ENTPD1: variants seen among roughly 807,000 people sequenced by gnomAD.
The protein encoded by ENTPD1 is ectonucleoside triphosphate diphosphohydrolase 1, also known as ATP diphosphohydrolase.
In ENTPD1, 33 loss-of-function variants were observed where a neutral mutation model predicts 57.0. The observed-to-expected ratio is 0.58, with a 90% CI of 0.44 to 0.77. The LOEUF (loss-of-function observed/expected upper bound fraction) is 0.77. Ranked by LOEUF, ENTPD1 falls within the 30% of genes least tolerant of loss-of-function variation. The pLI is 0.00. For missense variants in ENTPD1, 501 were observed against 603.4 expected (o/e 0.83, Z 1.78); for synonymous variants, 202 against 218.8 (o/e 0.92, Z 0.68).
intron 1 of ENTPD1, among the ~76,000 whole-genome samples, chr10:95,761,135 G>A (rs1039449370): frequency 6.6e-6 from 1 of 152,104 alleles, no homozygotes; most frequent in African/African-American, 2.4e-5. Flanking sequence ...CAGCCATAGA[G>A]TCTATTCTTT....
At chr10:95,730,976 A>G (rs1329629758) in intron 1 of ENTPD1, among the ~76,000 whole-genome samples, 4 of 152,260 alleles carry the variant, frequency 2.6e-5, no homozygotes, top group Non-Finnish European at 4.4e-5. Context: ...AAGTAGCGTC[A>G]TTAATAATTA....
rs544122216 is a variant in ENTPD1 at position 95,791,574 on chromosome 10, C to T, written c.17-31663C>T. Among the ~76,000 whole-genome samples the T allele has an allele frequency of 5.8e-4, 88 of 152,266 alleles. No homozygotes were observed. Among genetic ancestry groups the T allele is most frequent in the Non-Finnish European group, 7.4e-5 (5 of 68,012 alleles). On this transcript the variant is annotated intron_variant, in intron 1 of 9. Coordinates refer to ENST00000371205, the MANE Select transcript of ENTPD1 (RefSeq NM_001776.6). The surrounding 1 kb of genome is among the most constrained non-coding windows in gnomAD (Gnocchi z 4.1). The stretch of plus-strand genomic sequence containing the variant: ...AACAGTTAGACATGTCTGGCAATGG[C>T]TTAGACTACCTGGATATGCACTTCT...
At position 95,876,672 on chromosome 10, in the gene ENTPD1, A is replaced by G; in HGVS notation, c.*10289A>G. ...CTGGACAGGCCATTCTAATAACAGA[A>G]ACAAACAAGTTATTTTAAAACTTAT... On this transcript the variant is annotated 3_prime_UTR_variant, in exon 10 of 10. Transcript: ENST00000371205. 1 of 1,221,108 alleles carries G rather than the reference A, an allele frequency of 8.2e-7. No homozygotes were observed. The allele number at this position is 1,221,108 out of a possible 1,614,324, so 75.6% of individuals were successfully genotyped here.
intron 2 of ENTPD1, among the ~76,000 whole-genome samples, chr10:95,835,160 G>A (rs1045301735): frequency 2.0e-5 from 3 of 152,044 alleles, no homozygotes; most frequent in Non-Finnish European, 2.9e-5. Flanking sequence ...TGTACCCAAC[G>A]TTTAGCTTCC....
In ENTPD1 at chr10:95,866,401, T is replaced by G. The variant is rs2098474574; in HGVS notation, c.*18T>G. 2 of 1,613,886 alleles carry G rather than the reference T, an allele frequency of 1.2e-6. No individual in the cohort carries two copies. Among genetic ancestry groups the G allele is most frequent in the African/African-American group, 2.7e-5 (2 of 74,930 alleles). On this transcript the variant is annotated 3_prime_UTR_variant, in exon 10 of 10. Transcript: ENST00000371205. ...TGGTATAGCAAAAGCAGCTGAAATATGCTGGCTGGAGTGAGGAAAAAAATC... is the reference window on the plus strand; with the variant it reads ...TGGTATAGCAAAAGCAGCTGAAATAGGCTGGCTGGAGTGAGGAAAAAAATC...
intron 1 of ENTPD1, among the ~76,000 whole-genome samples, chr10:95,819,932 T>C (rs2098343218): frequency 6.6e-6 from 1 of 152,200 alleles, no homozygotes; most frequent in Non-Finnish European, 1.5e-5. Flanking sequence ...CAAGGCAAAT[T>C]AAGGGCTTTT....
In ENTPD1 at chr10:95,876,861, T is replaced by C. The variant is rs922174873; in HGVS notation, c.*10478T>C. On this transcript the variant is annotated 3_prime_UTR_variant, in exon 10 of 10. Coordinates refer to ENST00000371205, the MANE Select transcript of ENTPD1 (RefSeq NM_001776.6). ...AGACTTCATGAAGAGCACTGCGCTA[T>C]AATAAAAGAAGAAATGAGCACATAC... 1.3e-5 allele frequency among the ~76,000 whole-genome samples: 2 copies of C among 152,222 alleles called. No individual in the cohort carries two copies. Among genetic ancestry groups the C allele is most frequent in the Admixed American group, 6.5e-5 (1 of 15,280 alleles).
chr10:95,741,140 A>G (rs373288867), intron 1 of ENTPD1, among the ~76,000 whole-genome samples: 17 of 152,302 alleles, frequency 1.1e-4, no homozygotes, highest in African/African-American at 4.1e-4. Context: ...CTTCCTTGCT[A>G]AGCTTAATCA....
chr10:95,763,574 T>C (rs912155112), intron 1 of ENTPD1, among the ~76,000 whole-genome samples: 1 of 152,200 alleles, frequency 6.6e-6, no homozygotes, highest in African/African-American at 2.4e-5. Flanking sequence ...TATATGGTAA[T>C]TTATCTCCAA....
At chr10:95,863,113 T>C (rs2098468043) in intron 8 of ENTPD1, among the ~76,000 whole-genome samples, 1 of 152,212 alleles carries the variant, frequency 6.6e-6, no homozygotes, top group African/African-American at 2.4e-5. Flanking sequence ...TGGATGCCTT[T>C]TTGGCTTCTA....
At chr10:95,781,749 A>G (rs1044047551) in intron 1 of ENTPD1, among the ~76,000 whole-genome samples, 1 of 152,320 alleles carries the variant, frequency 6.6e-6, no homozygotes, top group East Asian at 1.9e-4. Context: ...ATACTCTGAA[A>G]TGGATTTAGC....
chr10:95,766,532 A>G (rs778942237), intron 1 of ENTPD1, among the ~76,000 whole-genome samples: 12 of 151,988 alleles, frequency 7.9e-5, no homozygotes, highest in Admixed American at 5.9e-4. Context: ...ATTTACCTCT[A>G]CTCATATTTT....
chr10:95,726,781 C>G (rs906040245), intron 1 of ENTPD1, among the ~76,000 whole-genome samples: 1 of 152,110 alleles, frequency 6.6e-6, no homozygotes, highest in Non-Finnish European at 1.5e-5. Context: ...TGAGAGGGTT[C>G]ACTCAGTTTC....
At chr10:95,801,424 C>T (rs1397465554) in intron 1 of ENTPD1, among the ~76,000 whole-genome samples, 2 of 152,112 alleles carry the variant, frequency 1.3e-5, no homozygotes, top group Non-Finnish European at 2.9e-5. Flanking sequence ...TATGTCTAGC[C>T]AGTTATCCCA....
chr10:95,760,822 T>A (rs1389061981), intron 1 of ENTPD1, among the ~76,000 whole-genome samples: 78 of 36,970 alleles, frequency 2.1e-3, no homozygotes, highest in African/African-American at 0.01. Context: ...TTCTTTTTTT[T>A]TTTTTTTTTT....
chr10:95,832,405 T>A (rs889637977), intron 2 of ENTPD1, among the ~76,000 whole-genome samples: 4 of 152,116 alleles, frequency 2.6e-5, no homozygotes, highest in East Asian at 3.9e-4. Flanking sequence ...AAAAATAGCC[T>A]TAATGAACTG....
intron 1 of ENTPD1, among the ~76,000 whole-genome samples, chr10:95,769,757 C>T (rs1566124898): frequency 6.6e-6 from 1 of 152,120 alleles, no homozygotes; most frequent in African/African-American, 2.4e-5. Context: ...TAGCAGTGGA[C>T]ACGGTGAAAA....
At chr10:95,814,276 G>T (rs929725701) in intron 1 of ENTPD1, among the ~76,000 whole-genome samples, 2 of 152,160 alleles carry the variant, frequency 1.3e-5, no homozygotes, top group Non-Finnish European at 2.9e-5. Flanking sequence ...TTTGAGGGAG[G>T]CTAGAAGGGG....
intron 1 of ENTPD1, among the ~76,000 whole-genome samples, chr10:95,817,833 T>TA (rs1466242610): frequency 6.6e-6 from 1 of 152,208 alleles, no homozygotes; most frequent in African/African-American, 2.4e-5. Flanking sequence ...AACTAGAATA[T>TA]AAGCACCATG....
Sources: gnomAD v4.1 joint callset for allele counts (sites outside exome capture counted in the v4.1 genomes callset) on GRCh38, gnomAD v4.1.1 for gene constraint, Gnocchi (gnomAD v3.1) non-coding constraint, MANE v1.5 for transcripts, NCBI Gene and HGNC (gene_info 2026-07-23, HGNC 2026-07-21) for gene names.